The following INTS2 variants were observed in gnomAD, a reference collection of about 807,000 sequenced individuals.
The protein encoded by INTS2 is KIAA1287.
In INTS2, 57 loss-of-function variants were observed where a neutral mutation model predicts 139.6. The ratio of observed to expected loss-of-function variants is 0.41; its 90% confidence interval spans 0.33 to 0.51. The LOEUF is 0.51. Ranked by LOEUF, INTS2 falls within the 20% of genes least tolerant of loss-of-function variation. The probability of loss-of-function intolerance (pLI) is 0.28; values close to 1 mark genes in which losing one functional copy is unlikely to be tolerated. For synonymous variants in INTS2, 473 were observed against 493.4 expected (o/e 0.96, Z 0.55); for missense variants, 1,196 against 1,436.7 (o/e 0.83, Z 2.71).
At position 61,877,953 on chromosome 17, in the gene INTS2, A is replaced by G. The variant is rs1488388029; in HGVS notation, c.2390T>C (p.Val797Ala). 6.2e-7 allele frequency: 1 copy of G among 1,613,764 alleles called. No individual in the cohort carries two copies. Among genetic ancestry groups the G allele is most frequent in the Non-Finnish European group, 8.5e-7 (1 of 1,179,702 alleles). Reference protein sequence around the residue: ...SNMSQLLNSGVPRRILQTVNK... With the variant: ...SNMSQLLNSGAPRRILQTVNK... The stretch of plus-strand genomic sequence containing the variant: ...GACTGTTTGCAGAATTCTCCGTGGA[A>G]CCCCTGAATTCAATAGCTGGCTCAT... Residue 797 changes from valine (V) to alanine (A), a missense_variant, in exon 18 of 25, where the codon GTT becomes GCT. Transcript: ENST00000251334.
rs762759222 is a variant in INTS2, at chr17:61,878,088, G to A, written c.2255C>T (p.Ala752Val). The A allele has an allele frequency of 4.4e-6, 7 of 1,597,582 alleles. No homozygotes were observed. Among genetic ancestry groups the A allele is most frequent in the Non-Finnish European group, 5.1e-6 (6 of 1,165,200 alleles). The change falls in exon 18 of 25, where the codon GCA becomes GTA. Residue 752 changes from alanine to valine, a missense_variant and splice_region_variant. Physicochemically the swap from Ala to Val is moderately conservative, Grantham distance 64. Transcript: ENST00000251334. ...GTTATTTACTGGGACAGCTGAAAAT[G>A]CTAAAAAGAAAATTTAGCAATCATA... ...KNHSPKQLQE[A>V]FSAVPVNNTQ... is the part of the protein sequence containing the mutation.
At chr17:61,916,026 C>G (rs2079579557) in intron 5 of INTS2, among the ~76,000 whole-genome samples, 2 of 151,970 alleles carry the variant, frequency 1.3e-5, no homozygotes. Flanking sequence ...CAAAAAAGAG[C>G]CTGAATAGCC....
chr17:61,899,505 G>A (rs2079383488), intron 9 of INTS2, among the ~76,000 whole-genome samples: 1 of 151,734 alleles, frequency 6.6e-6, no homozygotes, highest in African/African-American at 2.4e-5. Context: ...CACCCACCTT[G>A]GCCTCCCAAA....
At chr17:61,915,836 A>AC (rs2079577405) in intron 5 of INTS2, among the ~76,000 whole-genome samples, 1 of 150,806 alleles carries the variant, frequency 6.6e-6, no homozygotes, top group South Asian at 2.1e-4. Context: ...AAAAAAAAAA[A>AC]AAAATCATAT....
chr17:61,920,389 C>G (rs2079627527), intron 4 of INTS2, among the ~76,000 whole-genome samples: 1 of 151,676 alleles, frequency 6.6e-6, no homozygotes, highest in Admixed American at 6.6e-5. Flanking sequence ...ACCATGTTGA[C>G]CTGGCTGGTC....
At chr17:61,880,879 C>T in intron 17 of INTS2, 128 bp downstream of exon 17, 2 of 741,286 alleles carry the variant, frequency 2.7e-6, no homozygotes, top group Non-Finnish European at 4.4e-6. Flanking sequence ...ATTTTATATA[C>T]TTAAAATACA....
Position 61,871,504 on chromosome 17 carries a change from T to C in INTS2, c.2778+761A>G, listed in dbSNP as rs2079088631. Among the ~76,000 whole-genome samples, 1 of 152,194 alleles carries C rather than the reference T, an allele frequency of 6.6e-6. No individual in the cohort carries two copies. Among genetic ancestry groups the C allele is most frequent in the Admixed American group, 6.5e-5 (1 of 15,280 alleles). ...GCCTGACATTTTATTATACATGCAG[T>C]TGTTTTTCTGTTGTCTGTCTCCATA... On this transcript the variant is annotated intron_variant, in intron 20 of 24. Transcript: ENST00000251334. This position sits in a 1 kb window ranked among gnomAD's most constrained non-coding sequence, Gnocchi z 4.9.
At chr17:61,923,337 C>T (rs1476608282) in intron 3 of INTS2, among the ~76,000 whole-genome samples, 1 of 151,574 alleles carries the variant, frequency 6.6e-6, no homozygotes, top group East Asian at 2.0e-4. Context: ...ATTAGCCAGG[C>T]ATGGTGGCGG....
At chr17:61,878,118 A>T (rs759367716) in intron 17 of INTS2, 30 bp from the exon 18 acceptor site, 2 of 1,369,366 alleles carry the variant, frequency 1.5e-6, no homozygotes, top group East Asian at 4.6e-5. Flanking sequence ...ATCATAACCT[A>T]AATTCTGTAC....
At chr17:61,891,092 G>A (rs1248612811) in intron 14 of INTS2, among the ~76,000 whole-genome samples, 1 of 150,890 alleles carries the variant, frequency 6.6e-6, no homozygotes, top group Non-Finnish European at 1.5e-5. Context: ...TCAGGAGTTC[G>A]AGATCAGCCT....
At position 61,927,653 on chromosome 17, in the gene INTS2, C is replaced by G. The variant is rs2079731631; in HGVS notation, c.-19+1G>C. ...AGGCCAGAGAAGCGGACGCTTCATA[C>G]CTTAAGATCTACCCTCCAGCCTCAC... is the stretch of plus-strand genomic sequence containing the variant. On this transcript the variant is annotated splice_donor_variant, in intron 1 of 24. Coordinates refer to ENST00000251334, the MANE Select transcript of INTS2 (RefSeq NM_001351695.2). LOFTEE classifies it low-confidence loss of function (5UTR_SPLICE). 1 of 1,391,696 alleles carries G rather than the reference C, an allele frequency of 7.2e-7. No individual in the cohort carries two copies. The highest frequency in any genetic ancestry group is 9.3e-7 in the Non-Finnish European group (1 of 1,073,800). 86.2% of individuals were successfully genotyped at this position (1,391,696 alleles called of 1,614,324 possible).
At position 61,872,180 on chromosome 17, in the gene INTS2, GCACA is replaced by G; in HGVS notation, c.2778+81_2778+84del. ...AATATGTCACCAATGTACATGGAGC[GCACA>G]ATGTGCCATCTATTGAACTGATTAT... On this transcript the variant is annotated intron_variant, in intron 20 of 24. Transcript: ENST00000251334. This position sits in a 1 kb window ranked among gnomAD's most constrained non-coding sequence, Gnocchi z 4.8. The G allele has an allele frequency of 1.4e-6, 1 of 736,930 alleles. No individual in the cohort carries two copies. Among genetic ancestry groups the G allele is most frequent in the Non-Finnish European group, 2.2e-6 (1 of 454,156 alleles). The allele number at this position is 736,930 out of a possible 1,614,324, so 45.6% of individuals were successfully genotyped here. A position where few individuals can be genotyped will look rare whatever the true frequency, so the allele number is the denominator to read the frequency against.
chr17:61,890,237 T>C (rs1024760197), intron 14 of INTS2, among the ~76,000 whole-genome samples: 8 of 152,262 alleles, frequency 5.3e-5, no homozygotes, highest in East Asian at 1.9e-4. Flanking sequence ...AAATAAGACA[T>C]TGTATACTTA....
chr17:61,911,909 C>T (rs1230554788), intron 6 of INTS2, 31 bp downstream of exon 6: 1 of 1,599,882 alleles, frequency 6.3e-7, no homozygotes, highest in Non-Finnish European at 8.5e-7. Context: ...AATATAAAGG[C>T]CTTTGTCTAA....
In INTS2 at chr17:61,889,910, CAAATACTCTG is replaced by C; in HGVS notation, c.1876-26_1876-17del. 2 of 1,476,282 alleles carry C rather than the reference CAAATACTCTG, an allele frequency of 1.4e-6. No individual in the cohort carries two copies. Among genetic ancestry groups the C allele is most frequent in the Non-Finnish European group, 1.9e-6 (2 of 1,060,428 alleles). 91.4% of individuals were successfully genotyped at this position (1,476,282 alleles called of 1,614,324 possible). A position where few individuals can be genotyped will look rare whatever the true frequency, so the allele number is the denominator to read the frequency against. On this transcript the variant is annotated splice_polypyrimidine_tract_variant and intron_variant, in intron 14 of 24. Coordinates refer to ENST00000251334, the MANE Select transcript of INTS2 (RefSeq NM_001351695.2). ...TGTTGTCACCCTGGAGGTAATATTA[CAAATACTCTG>C]AAATACTCTGAATTTCACGAGTGCT...
Position 61,897,865 on chromosome 17 carries a change from A to T in INTS2, c.1308-126T>A. ...GCCCTATTTTCAAGTATCAAGTCAA[A>T]TTAAAGGCTTGCTGAATTGGGCCAT... On this transcript the variant is annotated intron_variant, in intron 9 of 24. Coordinates refer to ENST00000251334, the MANE Select transcript of INTS2 (RefSeq NM_001351695.2). The surrounding 1 kb of genome is among the most constrained non-coding windows in gnomAD (Gnocchi z 4.4). 1.4e-6 allele frequency: 1 copy of T among 694,478 alleles called. No homozygotes were observed. The highest frequency in any genetic ancestry group is 2.4e-6 in the Non-Finnish European group (1 of 409,924). 43.0% of individuals were successfully genotyped at this position (694,478 alleles called of 1,614,324 possible).
At position 61,867,501 on chromosome 17, in the gene INTS2, G is replaced by T; in HGVS notation, c.*56C>A. The T allele has an allele frequency of 9.4e-7, 1 of 1,061,094 alleles. No homozygotes were observed. The highest frequency in any genetic ancestry group is 1.4e-6 in the Non-Finnish European group (1 of 718,848). 65.7% of individuals were successfully genotyped at this position (1,061,094 alleles called of 1,614,324 possible). A position where few individuals can be genotyped will look rare whatever the true frequency, so the allele number is the denominator to read the frequency against. ...TTCAGTTTAGAGTTGTTACTAATATGCAGATTCATGTTGGGTATATGCAGC... is the reference window on the plus strand; with the variant it reads ...TTCAGTTTAGAGTTGTTACTAATATTCAGATTCATGTTGGGTATATGCAGC... On this transcript the variant is annotated 3_prime_UTR_variant, in exon 25 of 25. Transcript: ENST00000251334. The surrounding 1 kb of genome is among the most constrained non-coding windows in gnomAD (Gnocchi z 5.6).
At chr17:61,906,828 T>C (rs1053734338) in intron 8 of INTS2, among the ~76,000 whole-genome samples, 1 of 32,448 alleles carries the variant, frequency 3.1e-5, no homozygotes, top group Non-Finnish European at 5.8e-5. Context: ...CTACTAAAAA[T>C]ACAAAAAAAA....
At position 61,925,036 on chromosome 17, in the gene INTS2, C is replaced by G; in HGVS notation, c.357G>C (p.Thr119=). Residue 119 remains threonine (T), a synonymous_variant, in exon 3 of 25, where the codon ACG becomes ACC. Transcript: ENST00000251334. ...GTGAATCACTGTGTTCAAACTCTAA[C>G]GTCAGTCCATGCTGAAGCTGTGATA... ...ILVSQLQHGL[T]LEFEHSDSPR... 1 of 1,613,722 alleles carries G rather than the reference C, an allele frequency of 6.2e-7. No homozygotes were observed. Among genetic ancestry groups the G allele is most frequent in the Non-Finnish European group, 8.5e-7 (1 of 1,179,750 alleles).
Sources: gnomAD v4.1 joint callset for allele counts (sites outside exome capture counted in the v4.1 genomes callset) on GRCh38, gnomAD v4.1.1 for gene constraint, Gnocchi (gnomAD v3.1) non-coding constraint, MANE v1.5 for transcripts, NCBI Gene and HGNC (gene_info 2026-07-23, HGNC 2026-07-21) for gene names.